RPS6KA1: variants seen among roughly 807,000 people sequenced by gnomAD.
The protein encoded by RPS6KA1 is ribosomal protein S6 kinase A1, also known as ribosomal protein S6 kinase alpha-1.
RPS6KA1 carries 48 observed loss-of-function variants against 91.3 expected under a neutral mutation model. That is an observed-to-expected ratio of 0.53 (90% CI 0.42 to 0.67). The LOEUF (loss-of-function observed/expected upper bound fraction) is 0.67, where lower values mean the gene tolerates loss of function less well. Among genes scored for constraint, RPS6KA1 ranks in the 30% least tolerant of loss-of-function variants. The pLI is 0.00. For missense variants in RPS6KA1, 719 were observed against 960.5 expected, an observed-to-expected ratio of 0.75 and a Z score of 3.32; for synonymous variants, 359 against 384.7, an observed-to-expected ratio of 0.93 and a Z score of 0.78.
intron 17 of RPS6KA1, among the ~76,000 whole-genome samples, chr1:26,565,543 T>TTTTTC (rs57066833): frequency 0.021 from 3,135 of 148,076 alleles, 82 homozygotes; most frequent in East Asian, 0.058. Context: ...TGAATTTATT[T>TTTTTC]TTTTCTTTTC....
chr1:26,571,752 G>C lies in RPS6KA1; in HGVS notation c.1753-97G>C, dbSNP rs2076250996. 1 of 1,486,030 alleles carries C rather than the reference G, an allele frequency of 6.7e-7. No homozygotes were observed. The highest frequency in any genetic ancestry group is 1.4e-5 in the African/African-American group (1 of 72,210). The allele number at this position is 1,486,030 out of a possible 1,614,324, so 92.1% of individuals were successfully genotyped here. A position where few individuals can be genotyped will look rare whatever the true frequency, so the allele number is the denominator to read the frequency against. On this transcript the variant is annotated intron_variant, in intron 18 of 21. Transcript: ENST00000374168. The surrounding 1 kb of genome is among the most constrained non-coding windows in gnomAD (Gnocchi z 5.1). ...CAAGGGAAGATCTAGCCTGTGCCTG[G>C]GACCCTTGTCCTGCCCTTGAGGGGA...
In RPS6KA1 at chr1:26,546,047, C is replaced by T. The variant is rs779158400; in HGVS notation, c.109-820C>T. The T allele has an allele frequency of 7.5e-6, 12 of 1,610,490 alleles. 1 individual carries two copies. Among genetic ancestry groups the T allele is most frequent in the South Asian group, 3.3e-5 (3 of 90,802 alleles). ...CCCAGCGGGACTCGGTGAGTGTGCC[C>T]GAATGTCTGGTCCTGACCTGGCTGT... On this transcript the variant is annotated intron_variant, in intron 2 of 21. Transcript: ENST00000374168.
At position 26,551,293 on chromosome 1, in the gene RPS6KA1, T is replaced by C; in HGVS notation, c.308-104T>C. The C allele has an allele frequency of 1.0e-6, 1 of 987,954 alleles. No homozygotes were observed. Among genetic ancestry groups the C allele is most frequent in the South Asian group, 1.4e-5 (1 of 71,058 alleles). 61.2% of individuals were successfully genotyped at this position (987,954 alleles called of 1,614,324 possible). ...CCCTGGGTGAGGGGGCTTTGGGAGC[T>C]CAGGCCTGGAGGAACAAGTGGAAAA... On this transcript the variant is annotated intron_variant, in intron 4 of 21. Coordinates refer to ENST00000374168, the MANE Select transcript of RPS6KA1 (RefSeq NM_002953.4). The surrounding 1 kb of genome is among the most constrained non-coding windows in gnomAD (Gnocchi z 4.5).
In RPS6KA1 at chr1:26,557,097, A is replaced by C. The variant is rs779910630; in HGVS notation, c.1081A>C (p.Lys361Gln). Residue 361 changes from lysine (K) to glutamine (Q), a missense_variant, in exon 13 of 22, where the codon AAG (lysine) becomes CAG (glutamine). Around this residue, in one of 5 missense-constraint regions of RPS6KA1, gnomAD observed 228 missense variants for 247.6 expected, o/e 0.92. Coordinates refer to ENST00000374168, the MANE Select transcript of RPS6KA1 (RefSeq NM_002953.4). ...FDTEFTSRTP[K>Q]DSPGIPPSAG... ...CACCGAGTTCACGTCCCGCACACCC[A>C]AGGGTGCGTCCCTTATCTGTTTTGT... 6.2e-7 allele frequency: 1 copy of C among 1,608,618 alleles called. No individual in the cohort carries two copies. The highest frequency in any genetic ancestry group is 1.3e-5 in the African/African-American group (1 of 74,892).
rs2076085294 is a variant in RPS6KA1 at position 26,554,867 on chromosome 1, C to G, written c.756+129C>G. The G allele has an allele frequency of 1.6e-6, 2 of 1,227,872 alleles. No individual in the cohort carries two copies. The highest frequency in any genetic ancestry group is 2.4e-5 in the East Asian group (1 of 42,278). 76.1% of individuals were successfully genotyped at this position (1,227,872 alleles called of 1,614,324 possible). On this transcript the variant is annotated intron_variant, in intron 9 of 21. Coordinates refer to ENST00000374168, the MANE Select transcript of RPS6KA1 (RefSeq NM_002953.4). This position sits in a 1 kb window ranked among gnomAD's most constrained non-coding sequence, Gnocchi z 4.6. ...CCTCTCACAGCCAAGCTGGCCTCAC[C>G]CTATATGCACCTGCAGTTTTCTTCC... is the stretch of plus-strand genomic sequence containing the variant.
intron 17 of RPS6KA1, among the ~76,000 whole-genome samples, chr1:26,562,416 A>G (rs2076161379): frequency 6.6e-6 from 1 of 152,146 alleles, no homozygotes. Flanking sequence ...AGGAAGTGGC[A>G]GGGTCACCGT....
At position 26,529,915 on chromosome 1, in the gene RPS6KA1, G is replaced by A. The variant is rs574592651; in HGVS notation, c.-6G>A. On this transcript the variant is annotated 5_prime_UTR_variant, in exon 1 of 22. Coordinates refer to ENST00000374168, the MANE Select transcript of RPS6KA1 (RefSeq NM_002953.4). The surrounding 1 kb of genome is among the most constrained non-coding windows in gnomAD (Gnocchi z 4.2). Reference sequence around the variant, plus strand: ...GGAGGAGCGCGGGTGACCTGGCGGCGGCGAGATGCCGCTCGCCCAGCTCAA... The same window carrying A: ...GGAGGAGCGCGGGTGACCTGGCGGCAGCGAGATGCCGCTCGCCCAGCTCAA... 2 of 1,426,214 alleles carry A rather than the reference G, an allele frequency of 1.4e-6. No individual in the cohort carries two copies. Among genetic ancestry groups the A allele is most frequent in the African/African-American group, 3.0e-5 (2 of 66,990 alleles). The allele number at this position is 1,426,214 out of a possible 1,614,324, so 88.3% of individuals were successfully genotyped here.
rs1190552635 is a variant in RPS6KA1 at position 26,547,898 on chromosome 1, G to A, written c.307+628G>A. 6.6e-6 allele frequency among the ~76,000 whole-genome samples: 1 copy of A among 152,168 alleles called. No individual in the cohort carries two copies. The highest frequency in any genetic ancestry group is 6.5e-5 in the Admixed American group (1 of 15,280). On this transcript the variant is annotated intron_variant, in intron 4 of 21. Transcript: ENST00000374168. The surrounding 1 kb of genome is among the most constrained non-coding windows in gnomAD (Gnocchi z 4.1). ...CTTTAAATAAGTCAAGGCCGGGCGC[G>A]GTGGCTCACACCTGTAATCCCAGCA... is the stretch of plus-strand genomic sequence containing the variant.
chr1:26,566,379 G>A (rs1023659733), intron 17 of RPS6KA1, among the ~76,000 whole-genome samples: 2 of 150,258 alleles, frequency 1.3e-5, no homozygotes, highest in Non-Finnish European at 2.9e-5. Flanking sequence ...TACCTCCTGG[G>A]TTCAAGTGAT....
chr1:26,569,510 CT>C (rs2076232203), intron 17 of RPS6KA1, among the ~76,000 whole-genome samples: 1 of 152,200 alleles, frequency 6.6e-6, no homozygotes, highest in Non-Finnish European at 1.5e-5. Flanking sequence ...CCCTTTCCCC[CT>C]CATCTACCTG....
chr1:26,571,995 T>C lies in RPS6KA1; in HGVS notation c.1829+70T>C. 6.7e-7 allele frequency: 1 copy of C among 1,501,654 alleles called. No individual in the cohort carries two copies. Among genetic ancestry groups the C allele is most frequent in the African/African-American group, 1.4e-5 (1 of 72,760 alleles). 93.0% of individuals were successfully genotyped at this position (1,501,654 alleles called of 1,614,324 possible). On this transcript the variant is annotated intron_variant, in intron 19 of 21. Coordinates refer to ENST00000374168, the MANE Select transcript of RPS6KA1 (RefSeq NM_002953.4). The surrounding 1 kb of genome is among the most constrained non-coding windows in gnomAD (Gnocchi z 5.1). Reference sequence around the variant, plus strand: ...GCACTTGGGCTGAGTGGTGCTTGTCTGATAGGAATGGCTCAGCCAGCCCCG... The same window carrying C: ...GCACTTGGGCTGAGTGGTGCTTGTCCGATAGGAATGGCTCAGCCAGCCCCG...
chr1:26,539,280 G>A (rs111388303), intron 2 of RPS6KA1, among the ~76,000 whole-genome samples: 4 of 152,224 alleles, frequency 2.6e-5, no homozygotes, highest in South Asian at 2.1e-4. Context: ...GGTCATTGCC[G>A]TGCATGGCCG....
chr1:26,544,354 G>A (rs548360070), intron 2 of RPS6KA1, among the ~76,000 whole-genome samples: 1 of 152,186 alleles, frequency 6.6e-6, no homozygotes, highest in South Asian at 2.1e-4. Flanking sequence ...GTCTCTGCCT[G>A]TTGGGTTTAT....
At chr1:26,556,904 C>T in intron 12 of RPS6KA1, 94 bp from the exon 13 acceptor site, 1 of 1,189,704 alleles carries the variant, frequency 8.4e-7, no homozygotes, top group Non-Finnish European at 1.3e-6. Flanking sequence ...GGCAATATGG[C>T]CTATGTTCCA....
In RPS6KA1 at chr1:26,562,825, C is replaced by CTTT. The variant is rs748764001; in HGVS notation, c.1590+1187_1590+1189dup. ...ATAGACACATTTTTCTCCTATTGTC[C>CTTT]TTTTTTTTTTTTTTTTTTTTTTTTT... On this transcript the variant is annotated intron_variant, in intron 17 of 21. Coordinates refer to ENST00000374168, the MANE Select transcript of RPS6KA1 (RefSeq NM_002953.4). Among the ~76,000 whole-genome samples the CTTT allele has an allele frequency of 3.8e-4, 31 of 81,440 alleles. 2 individuals are homozygous for CTTT. The highest frequency in any genetic ancestry group is 1.1e-3 in the African/African-American group (21 of 19,742). 53.4% of individuals were successfully genotyped at this position (81,440 alleles called of 152,430 possible).
At chr1:26,532,412 A>T (rs1481119046) in intron 1 of RPS6KA1, among the ~76,000 whole-genome samples, 4 of 152,154 alleles carry the variant, frequency 2.6e-5, no homozygotes, top group Non-Finnish European at 5.9e-5. Flanking sequence ...CAGAGCCAGG[A>T]TTGGAACCAA....
Position 26,571,222 on chromosome 1 carries a change from A to G in RPS6KA1, c.1591-227A>G. 3.8e-6 allele frequency: 2 copies of G among 527,754 alleles called. No individual in the cohort carries two copies. The highest frequency in any genetic ancestry group is 3.4e-6 in the Non-Finnish European group (1 of 296,160). 32.7% of individuals were successfully genotyped at this position (527,754 alleles called of 1,614,324 possible). On this transcript the variant is annotated intron_variant, in intron 17 of 21. Coordinates refer to ENST00000374168, the MANE Select transcript of RPS6KA1 (RefSeq NM_002953.4). The surrounding 1 kb of genome is among the most constrained non-coding windows in gnomAD (Gnocchi z 5.1). ...GAGTAGGTTTTAGGGGAGAATTGAG[A>G]GTTCAGTTTTGACAGGTTAACTTAG...
chr1:26,550,466 G>A (rs2076039918), intron 4 of RPS6KA1, among the ~76,000 whole-genome samples: 1 of 151,892 alleles, frequency 6.6e-6, no homozygotes, highest in African/African-American at 2.4e-5. Flanking sequence ...AGAGGTGTGA[G>A]CCACCACGCC....
intron 1 of RPS6KA1, among the ~76,000 whole-genome samples, chr1:26,532,797 T>G (rs951013798): frequency 2.0e-4 from 30 of 152,188 alleles, no homozygotes; most frequent in African/African-American, 6.0e-4. Context: ...GGAACCCATT[T>G]CTGACATCTC....
Sources: gnomAD v4.1 joint callset for allele counts (sites outside exome capture counted in the v4.1 genomes callset) on GRCh38, gnomAD v4.1.1 for gene constraint, gnomAD v4.1.1 regional missense constraint, Gnocchi (gnomAD v3.1) non-coding constraint, MANE v1.5 for transcripts, NCBI Gene and HGNC (gene_info 2026-07-23, HGNC 2026-07-21) for gene names.